The following HNRNPD variants were observed in gnomAD, a reference collection of about 807,000 sequenced individuals.
HNRNPD encodes the protein heterogeneous nuclear ribonucleoprotein D0.
In HNRNPD, 3 loss-of-function variants were observed where a neutral mutation model predicts 47.9. That is an observed-to-expected ratio of 0.06 (90% CI 0.03 to 0.16). HNRNPD has a LOEUF of 0.16. Ranked by LOEUF, HNRNPD falls within the 10% of genes least tolerant of loss-of-function variation. HNRNPD has a pLI of 1.00. For missense variants in HNRNPD, 287 were observed against 454.2 expected, an observed-to-expected ratio of 0.63 and a Z score of 3.35; for synonymous variants, 171 against 165.1, an observed-to-expected ratio of 1.04 and a Z score of -0.28.
intron 1 of HNRNPD, chr4:82,373,152 A>C (rs1720160754): frequency 1.6e-6 from 1 of 621,978 alleles, no homozygotes; most frequent in African/African-American, 1.8e-5. Flanking sequence ...CTGGCGGCTA[A>C]GTCGGTGGGA....
rs1171675553 is a variant in HNRNPD at position 82,359,456 on chromosome 4, C to T, written c.459+15G>A. On this transcript the variant is annotated intron_variant, in intron 3 of 8. Coordinates refer to ENST00000313899, the MANE Select transcript of HNRNPD (RefSeq NM_031370.3). Reference sequence around the variant, plus strand: ...ATTTTATATTATTAACTGATCAGAACACGTAACACACTACCTTATCTACAC... The same window carrying T: ...ATTTTATATTATTAACTGATCAGAATACGTAACACACTACCTTATCTACAC... 6.7e-7 allele frequency: 1 copy of T among 1,490,920 alleles called. No homozygotes were observed. The highest frequency in any genetic ancestry group is 9.1e-7 in the Non-Finnish European group (1 of 1,102,686). 92.4% of individuals were successfully genotyped at this position (1,490,920 alleles called of 1,614,324 possible).
intron 1 of HNRNPD, chr4:82,373,003 A>ATCT: frequency 5.3e-6 from 2 of 376,674 alleles, no homozygotes; most frequent in Non-Finnish European, 1.1e-5. Flanking sequence ...GATGGTGGAG[A>ATCT]AGCACCAAAT....
chr4:82,370,979 T>TACACAC (rs72155104), intron 2 of HNRNPD, among the ~76,000 whole-genome samples: 7,610 of 78,176 alleles, frequency 0.097, 435 homozygotes, highest in East Asian at 0.2. Flanking sequence ...ATGGTATATA[T>TACACAC]ATACACACAC....
At chr4:82,356,328 T>G (rs972490222) in intron 7 of HNRNPD, 2 of 482,558 alleles carry the variant, frequency 4.1e-6, no homozygotes, top group Non-Finnish European at 7.3e-6. Flanking sequence ...CAAACATATA[T>G]AGAACCACAC....
In HNRNPD at chr4:82,373,706, G is replaced by T. The variant is rs761749750; in HGVS notation, c.-28C>A. ...TGCTAGTGTCTCCGCCGCTGCCGCC[G>T]AGACTACACCCGCCGCTGCCGCGAA... is the stretch of plus-strand genomic sequence containing the variant. On this transcript the variant is annotated 5_prime_UTR_variant, in exon 1 of 9. Coordinates refer to ENST00000313899, the MANE Select transcript of HNRNPD (RefSeq NM_031370.3). The T allele has an allele frequency of 6.7e-7, 1 of 1,499,492 alleles. No individual in the cohort carries two copies. The highest frequency in any genetic ancestry group is 8.8e-7 in the Non-Finnish European group (1 of 1,130,642). 92.9% of individuals were successfully genotyped at this position (1,499,492 alleles called of 1,614,324 possible).
intron 1 of HNRNPD, 176 bp downstream of exon 1, chr4:82,373,270 G>A (rs977446202): frequency 2.3e-5 from 20 of 862,094 alleles, no homozygotes; most frequent in Non-Finnish European, 3.3e-5. Flanking sequence ...GCAGGCAAAG[G>A]AAGAAGGAAA....
At chr4:82,372,438 T>C (rs1720093754) in intron 1 of HNRNPD, among the ~76,000 whole-genome samples, 1 of 152,132 alleles carries the variant, frequency 6.6e-6, no homozygotes, top group African/African-American at 2.4e-5. Flanking sequence ...CAGGATTTGT[T>C]TCTCTTAAGA....
chr4:82,373,655 C>G lies in HNRNPD; in HGVS notation c.24G>C (p.Gly8=). The change falls in exon 1 of 9, where the codon GGG becomes GGC. Residue 8 remains glycine, a synonymous_variant. Transcript: ENST00000313899. The stretch of plus-strand genomic sequence containing the variant: ...CCGTTGCCGCTGCCGCCGCCCCGTC[C>G]CCGCCGAACTGCTCCTCCGACATAG... The part of the protein sequence containing the change: MSEEQFG[G]DGAAAAATAA... 1 of 1,527,494 alleles carries G rather than the reference C, an allele frequency of 6.5e-7. No homozygotes were observed. Among genetic ancestry groups the G allele is most frequent in the Non-Finnish European group, 8.7e-7 (1 of 1,143,642 alleles). The allele number at this position is 1,527,494 out of a possible 1,614,324, so 94.6% of individuals were successfully genotyped here. A position where few individuals can be genotyped will look rare whatever the true frequency, so the allele number is the denominator to read the frequency against.
At chr4:82,370,281 T>C (rs1719971896) in intron 2 of HNRNPD, among the ~76,000 whole-genome samples, 1 of 152,186 alleles carries the variant, frequency 6.6e-6, no homozygotes, top group Non-Finnish European at 1.5e-5. Flanking sequence ...TATTACATCG[T>C]TTTAGGTAGC....
rs1416056918 is a variant in HNRNPD at position 82,372,985 on chromosome 4, C to A, written c.233+461G>T. On this transcript the variant is annotated intron_variant, in intron 1 of 8. Transcript: ENST00000313899. ...AACATGTGCTTATAAACAATCGCAT[C>A]GTTTCAGGATGGTGGAGAAGCACCA... 26 of 349,324 alleles carry A rather than the reference C, an allele frequency of 7.4e-5. No homozygotes were observed. The Admixed American group carries it at 9.4e-4, about 13-fold the overall frequency. The allele number at this position is 349,324 out of a possible 1,614,324, so 21.6% of individuals were successfully genotyped here. A position where few individuals can be genotyped will look rare whatever the true frequency, so the allele number is the denominator to read the frequency against.
rs1446886573 is a variant in HNRNPD at position 82,373,914 on chromosome 4, G to C, written c.-236C>G. On this transcript the variant is annotated 5_prime_UTR_variant, in exon 1 of 9. Transcript: ENST00000313899. ...CGCTCTCTCCCGCTGCACTAAAAAA[G>C]AATAAGCACCAGCGGCGGCCGCTCT... The C allele has an allele frequency of 3.9e-6, 4 of 1,019,380 alleles. No homozygotes were observed. In the African/African-American group the frequency reaches 5.1e-5, roughly 13 times the overall value. 63.1% of individuals were successfully genotyped at this position (1,019,380 alleles called of 1,614,324 possible).
At chr4:82,356,929 C>G (rs1723736196) in intron 5 of HNRNPD, 34 bp from the exon 6 acceptor site, 1 of 1,545,470 alleles carries the variant, frequency 6.5e-7, no homozygotes, top group South Asian at 1.1e-5. Context: ...TAAACTGACT[C>G]AAGAAAATAA....
intron 2 of HNRNPD, among the ~76,000 whole-genome samples, chr4:82,363,315 G>A (rs373025380): frequency 6.6e-6 from 1 of 151,856 alleles, no homozygotes; most frequent in Non-Finnish European, 1.5e-5. Flanking sequence ...TCCTGACCTC[G>A]TGATCCACCT....
chr4:82,363,032 A>ATGTGTGTGTGTG (rs71666730), intron 2 of HNRNPD, among the ~76,000 whole-genome samples: 82 of 149,042 alleles, frequency 5.5e-4, no homozygotes, highest in Non-Finnish European at 6.8e-4. Context: ...TTATATATAT[A>ATGTGTGTGTGTG]TGTGTGTGTG....
chr4:82,359,802 A>C (rs1723883685), intron 2 of HNRNPD, among the ~76,000 whole-genome samples, 163 bp from the exon 3 acceptor site: 1 of 152,186 alleles, frequency 6.6e-6, no homozygotes, highest in African/African-American at 2.4e-5. Flanking sequence ...TATTCCAAAA[A>C]GCTGGCTTAT....
chr4:82,366,650 T>G (rs1296691575), intron 2 of HNRNPD, among the ~76,000 whole-genome samples: 2 of 152,094 alleles, frequency 1.3e-5, no homozygotes, highest in East Asian at 3.8e-4. Flanking sequence ...CACTGCAACC[T>G]CCGCCTCCAG....
In HNRNPD at chr4:82,373,624, C is replaced by T; in HGVS notation, c.55G>A (p.Val19Ile). 6.5e-7 allele frequency: 1 copy of T among 1,527,470 alleles called. No individual in the cohort carries two copies. Among genetic ancestry groups the T allele is most frequent in the Non-Finnish European group, 8.7e-7 (1 of 1,143,076 alleles). The allele number at this position is 1,527,470 out of a possible 1,614,324, so 94.6% of individuals were successfully genotyped here. A position where few individuals can be genotyped will look rare whatever the true frequency, so the allele number is the denominator to read the frequency against. Reference sequence around the variant, plus strand: ...TCCTGCTCGCCCGCCGAGCCGCCTACCGCCGCCGTTGCCGCTGCCGCCGCC... The same window carrying T: ...TCCTGCTCGCCCGCCGAGCCGCCTATCGCCGCCGTTGCCGCTGCCGCCGCC... Reference protein sequence around the residue: ...DGAAAAATAAVGGSAGEQEGA... With the variant: ...DGAAAAATAAIGGSAGEQEGA... Residue 19 changes from valine to isoleucine, a missense_variant, in exon 1 of 9, where the codon GTA becomes ATA. By Grantham distance (29) the Val-to-Ile change is conservative. This residue lies in a region of HNRNPD where 161 missense variants were observed against 137.1 expected (regional missense o/e 1.17). Transcript: ENST00000313899.
chr4:82,356,478 T>A (rs1330891808), intron 7 of HNRNPD, 59 bp downstream of exon 7: 2 of 1,405,390 alleles, frequency 1.4e-6, no homozygotes, highest in African/African-American at 2.8e-5. Context: ...TTTCTGCCTA[T>A]CCAAATTTGT....
At chr4:82,365,280 C>T (rs1220565620) in intron 2 of HNRNPD, among the ~76,000 whole-genome samples, 1 of 152,128 alleles carries the variant, frequency 6.6e-6, no homozygotes, top group Non-Finnish European at 1.5e-5. Context: ...GAATGTCAAC[C>T]TGATATACAT....
Sources: allele counts gnomAD v4.1 joint callset (sites outside exome capture counted in the v4.1 genomes callset), GRCh38; gene constraint gnomAD v4.1.1; regional missense constraint gnomAD v4.1.1; transcripts MANE v1.5; gene names NCBI Gene and HGNC (gene_info 2026-07-23, HGNC 2026-07-21).